KIAA1210: variants seen among roughly 807,000 people sequenced by gnomAD.
KIAA1210 encodes the protein acrosomal protein KIAA1210.
A neutral mutation model predicts 78.9 loss-of-function variants in KIAA1210; 48 were observed. The observed-to-expected ratio is 0.61, with a 90% CI of 0.48 to 0.77. The LOEUF is 0.77. Among genes scored for constraint, KIAA1210 ranks in the 30% least tolerant of loss-of-function variants. The pLI, the probability that KIAA1210 is intolerant of heterozygous loss-of-function variation, is 0.00. For synonymous variants in KIAA1210, 406 were observed against 404.5 expected, an observed-to-expected ratio of 1.00 and a Z score of -0.04; for missense variants, 1,108 against 1,100.0, an observed-to-expected ratio of 1.01 and a Z score of -0.10.
At chrX:119,142,014 A>G (rs1409706464) in intron 2 of KIAA1210, among the ~76,000 whole-genome samples, 2 of 112,370 alleles carry the variant, frequency 1.8e-5, no homozygotes, top group Non-Finnish European at 3.8e-5. Flanking sequence ...GAAGCATAAC[A>G]TAATTGTGAA....
chrX:119,138,407 C>T (rs1019040348), intron 2 of KIAA1210, among the ~76,000 whole-genome samples: 14 of 109,646 alleles, frequency 1.3e-4, no homozygotes, highest in Non-Finnish European at 2.3e-4. Flanking sequence ...TTAGTAGAGA[C>T]GGGGTTTCCC....
At position 119,086,782 on chromosome X, in the gene KIAA1210, G is replaced by T. The variant is rs763280708; in HGVS notation, c.3920C>A (p.Ala1307Asp). Residue 1307 changes from alanine (A) to aspartate (D), a missense_variant, in exon 9 of 12, where the codon GCC becomes GAC. Around this residue, in one of 5 missense-constraint regions of KIAA1210, gnomAD observed 245 missense variants for 278.8 expected, o/e 0.88. Coordinates refer to ENST00000691062, the MANE Select transcript of KIAA1210 (RefSeq NM_001394962.1). ...EKLFGVRLKR[A>D]PPSQKYKSEK... ...ACTCTTATACTTCTGCGAGGGAGGG[G>T]CTCTTTTCAGTCGAACTCCAAAAAG... 4 of 1,210,876 alleles carry T rather than the reference G, an allele frequency of 3.3e-6. No homozygotes were observed. In the South Asian group the frequency reaches 7.0e-5, roughly 21 times the overall value.
rs1926958569 is a variant in KIAA1210, at chrX:119,081,375, C to T, written c.4556G>A (p.Arg1519Lys). ...GTGGCTCCATGCTTTGGCTTTCTTC[C>T]TGGCCAGTGAGAACCAGACAGGCTC... The part of the protein sequence containing the change: ...PIEPVWFSLA[R>K]KKAKAWSHMA... The change falls in exon 12 of 12, where the codon AGG becomes AAG. Residue 1519 changes from arginine (R) to lysine (K), a missense_variant. Around this residue, in one of 5 missense-constraint regions of KIAA1210, gnomAD observed 245 missense variants for 278.8 expected, o/e 0.88. Coordinates refer to ENST00000691062, the MANE Select transcript of KIAA1210 (RefSeq NM_001394962.1). 8.3e-7 allele frequency: 1 copy of T among 1,206,011 alleles called. No homozygotes were observed. The highest frequency in any genetic ancestry group is 1.8e-5 in the African/African-American group (1 of 56,826).
chrX:119,105,278 A>C, intron 5 of KIAA1210, 131 bp from the exon 6 acceptor site: 1 of 655,097 alleles, frequency 1.5e-6, no homozygotes. Flanking sequence ...CCAAAGTGAA[A>C]AAAATAAGCC....
intron 3 of KIAA1210, among the ~76,000 whole-genome samples, chrX:119,109,806 T>G (rs1928013999): frequency 8.9e-6 from 1 of 111,826 alleles, no homozygotes; most frequent in Non-Finnish European, 1.9e-5. Flanking sequence ...CTTTCCTCTT[T>G]CACACAAGAG....
intron 9 of KIAA1210, among the ~76,000 whole-genome samples, 167 bp from the exon 10 acceptor site, chrX:119,085,713 A>G (rs964249605): frequency 2.7e-5 from 3 of 112,511 alleles, no homozygotes; most frequent in Non-Finnish European, 5.6e-5. Flanking sequence ...CCCTCCCTAT[A>G]GCTTGGCAAG....
At chrX:119,093,864 A>G (rs1927468113) in intron 7 of KIAA1210, 89 bp from the exon 8 acceptor site, 12 of 927,525 alleles carry the variant, frequency 1.3e-5, no homozygotes, top group Middle Eastern at 2.8e-4. Context: ...ATCAGGAAAA[A>G]AGTTCTTGAT....
At chrX:119,133,326 A>G (rs1220155788) in intron 2 of KIAA1210, among the ~76,000 whole-genome samples, 1 of 111,389 alleles carries the variant, frequency 9.0e-6, no homozygotes, top group Non-Finnish European at 1.9e-5. Context: ...TCACACAATG[A>G]GCTCCAGAAG....
chrX:119,140,424 G>T (rs757113646), intron 2 of KIAA1210, among the ~76,000 whole-genome samples: 1 of 108,179 alleles, frequency 9.2e-6, no homozygotes, highest in South Asian at 4.2e-4. Flanking sequence ...AGCTATTCAG[G>T]AGGCTGAGGC....
chrX:119,088,719 G>T lies in KIAA1210; in HGVS notation c.1983C>A (p.Leu661=). Residue 661 remains leucine, a synonymous_variant, in exon 9 of 12, where the codon CTC becomes CTA. Coordinates refer to ENST00000691062, the MANE Select transcript of KIAA1210 (RefSeq NM_001394962.1). ...CTTCAGGCTCCTCTAAAGCCTGGGA[G>T]AGGCATCTGAGGTCCAGCTCCTCCT... ...SSEEELDLRC[L]SQALEEPEDA... 8.3e-7 allele frequency: 1 copy of T among 1,210,368 alleles called. No individual in the cohort carries two copies. Among genetic ancestry groups the T allele is most frequent in the Non-Finnish European group, 1.1e-6 (1 of 894,946 alleles).
chrX:119,112,589 G>A (rs1028311593), intron 3 of KIAA1210, among the ~76,000 whole-genome samples: 1 of 112,082 alleles, frequency 8.9e-6, no homozygotes, highest in African/African-American at 3.2e-5. Flanking sequence ...TCACCAGTTG[G>A]CAGGGAAATA....
chrX:119,087,969 C>T lies in KIAA1210; in HGVS notation c.2733G>A (p.Pro911=), dbSNP rs780807426. The T allele has an allele frequency of 5.5e-5, 66 of 1,209,511 alleles. No homozygotes were observed. In the Middle Eastern group the frequency reaches 6.9e-4, roughly 13 times the overall value. The change falls in exon 9 of 12, where the codon CCG becomes CCA. Residue 911 remains proline, a synonymous_variant. Transcript: ENST00000691062. ...CCTCAAATTTAGGGGTCACCCATGGCGGGGAAGTGTATTTGGAAGGTGTTG... is the reference window on the plus strand; with the variant it reads ...CCTCAAATTTAGGGGTCACCCATGGTGGGGAAGTGTATTTGGAAGGTGTTG... ...VAPTPSKYTS[P]PWVTPKFEEL...
rs1197804904 is a variant in KIAA1210 at position 119,109,136 on chromosome X, A to G, written c.297T>C (p.Pro99=). ...GAAACATTTTACTTGCTGATCTTTC[A>G]GGCTCAGGACCCAACATGAAGATGC... ...HDSIFMLGPE[P]ERSASKMFPS... The change falls in exon 4 of 12, where the codon CCT becomes CCC. Residue 99 remains proline, a synonymous_variant. Coordinates refer to ENST00000691062, the MANE Select transcript of KIAA1210 (RefSeq NM_001394962.1). The G allele has an allele frequency of 4.1e-6, 5 of 1,207,478 alleles. No homozygotes were observed. Among genetic ancestry groups the G allele is most frequent in the Non-Finnish European group, 5.6e-6 (5 of 892,240 alleles).
chrX:119,149,885 G>A (rs770600566), intron 1 of KIAA1210, among the ~76,000 whole-genome samples: 3 of 110,204 alleles, frequency 2.7e-5, no homozygotes, highest in South Asian at 3.9e-4. Context: ...CCTTCCTCTC[G>A]TCTCTCTTCC....
chrX:119,147,366 G>A, intron 2 of KIAA1210: 2 of 929,617 alleles, frequency 2.2e-6, no homozygotes, highest in Non-Finnish European at 3.0e-6. Flanking sequence ...TGCTTCCAGG[G>A]TCATCAGGGA....
At chrX:119,138,010 T>C (rs962625202) in intron 2 of KIAA1210, among the ~76,000 whole-genome samples, 57 of 110,628 alleles carry the variant, frequency 5.2e-4, no homozygotes, top group African/African-American at 1.8e-3. Context: ...GAGATTTAGA[T>C]GTAAATGAGG....
chrX:119,094,267 T>C (rs1249179105), intron 7 of KIAA1210, among the ~76,000 whole-genome samples: 1 of 112,062 alleles, frequency 8.9e-6, no homozygotes, highest in South Asian at 3.8e-4. Flanking sequence ...AGAAAAAGAA[T>C]TGGGGTTTTG....
intron 2 of KIAA1210, among the ~76,000 whole-genome samples, chrX:119,118,387 G>A (rs913200769): frequency 3.6e-5 from 4 of 112,046 alleles, no homozygotes; most frequent in Non-Finnish European, 7.5e-5. Context: ...AAAGGGATCC[G>A]TAGTCCAGTC....
chrX:119,132,429 C>T (rs753645618), upstream of KIAA1210, among the ~76,000 whole-genome samples: 3 of 111,330 alleles, frequency 2.7e-5, no homozygotes, highest in Admixed American at 9.5e-5. Context: ...TAGAAGCACA[C>T]GAGGGGATTA....
Sources: allele counts gnomAD v4.1 joint callset (sites outside exome capture counted in the v4.1 genomes callset), GRCh38; gene constraint gnomAD v4.1.1; regional missense constraint gnomAD v4.1.1; transcripts MANE v1.5; gene names NCBI Gene and HGNC (gene_info 2026-07-23, HGNC 2026-07-21).